Variants in KLHL4 observed in about 807,000 individuals in gnomAD.
The protein encoded by KLHL4 is kelch like family member 4.
KLHL4 carries 17 observed loss-of-function variants against 45.8 expected under a neutral mutation model. The ratio of observed to expected loss-of-function variants is 0.37; its 90% CI spans 0.25 to 0.56. KLHL4 has a LOEUF of 0.56. Among genes scored for constraint, KLHL4 ranks in the 20% least tolerant of loss-of-function variants. The pLI is 0.79. For synonymous variants in KLHL4, 224 were observed against 189.9 expected, an observed-to-expected ratio of 1.18 and a Z score of -1.47; for missense variants, 544 against 544.9, an observed-to-expected ratio of 1.00 and a Z score of 0.02.
At chrX:87,591,443 A>T (rs910504336) in intron 1 of KLHL4, among the ~76,000 whole-genome samples, 1 of 111,852 alleles carries the variant, frequency 8.9e-6, no homozygotes, top group African/African-American at 3.2e-5. Context: ...AATCAGGTGA[A>T]TAGTTGACAT....
chrX:87,594,792 G>A (rs1921785654), intron 1 of KLHL4, among the ~76,000 whole-genome samples: 1 of 111,242 alleles, frequency 9.0e-6, no homozygotes, highest in African/African-American at 3.3e-5. Flanking sequence ...TTTTCATATT[G>A]TATTTCAAAA....
At chrX:87,526,429 G>C (rs746206210) in intron 1 of KLHL4, among the ~76,000 whole-genome samples, 29 of 112,068 alleles carry the variant, frequency 2.6e-4, no homozygotes, top group Non-Finnish European at 5.3e-4. Flanking sequence ...TAGTTGGAGA[G>C]ATAAAGTGTA....
At chrX:87,534,067 C>G (rs1931376455) in intron 1 of KLHL4, among the ~76,000 whole-genome samples, 1 of 111,261 alleles carries the variant, frequency 9.0e-6, no homozygotes, top group Non-Finnish European at 1.9e-5. Context: ...GTTAAATACT[C>G]AGCAGGAATA....
At chrX:87,655,620 A>G (rs1923963640) in intron 9 of KLHL4, among the ~76,000 whole-genome samples, 1 of 110,577 alleles carries the variant, frequency 9.0e-6, no homozygotes, top group African/African-American at 3.3e-5. Flanking sequence ...GTATGGTCGG[A>G]TCCTTTTTTT....
At chrX:87,586,813 A>G (rs770454409) in intron 1 of KLHL4, among the ~76,000 whole-genome samples, 2 of 111,472 alleles carry the variant, frequency 1.8e-5, no homozygotes, top group Non-Finnish European at 3.8e-5. Context: ...TGCAAACCAC[A>G]ATACAAAAGA....
intron 1 of KLHL4, among the ~76,000 whole-genome samples, chrX:87,613,277 T>C (rs548361553): frequency 2.7e-5 from 3 of 112,184 alleles, no homozygotes; most frequent in African/African-American, 9.7e-5. Context: ...TTGTGTGATG[T>C]TGAAAATACA....
intron 1 of KLHL4, among the ~76,000 whole-genome samples, chrX:87,539,818 A>G (rs1298499521): frequency 9.0e-6 from 1 of 111,360 alleles, no homozygotes; most frequent in Non-Finnish European, 1.9e-5. Context: ...ATCTCCATCT[A>G]TGAAGAGCCA....
chrX:87,632,422 C>A lies in KLHL4; in HGVS notation c.1537C>A (p.Arg513=). ...TGTGATGCCTCCCATGTCAACACAT[C>A]GGCACGGCTTAGGTAAGAGCTTAAC... is the stretch of plus-strand genomic sequence containing the variant. ...WTVMPPMSTH[R]HGLGVATLEG... Residue 513 remains arginine (R), a synonymous_variant, in exon 7 of 11, where the codon CGG becomes AGG. Coordinates refer to ENST00000373119, the MANE Select transcript of KLHL4 (RefSeq NM_019117.5). The A allele has an allele frequency of 8.4e-7, 1 of 1,186,390 alleles. No homozygotes were observed. Among genetic ancestry groups the A allele is most frequent in the Non-Finnish European group, 1.1e-6 (1 of 873,557 alleles).
intron 1 of KLHL4, among the ~76,000 whole-genome samples, chrX:87,611,304 T>A (rs1376965774): frequency 3.6e-5 from 4 of 111,357 alleles, no homozygotes; most frequent in Non-Finnish European, 7.5e-5. Flanking sequence ...TCTTAGTGTC[T>A]GGTTTCTATA....
At chrX:87,521,828 C>T (rs1291359029) in intron 1 of KLHL4, among the ~76,000 whole-genome samples, 1 of 112,159 alleles carries the variant, frequency 8.9e-6, no homozygotes, top group Non-Finnish European at 1.9e-5. Context: ...ATGTCCTGCC[C>T]TGTTATTCAT....
intron 6 of KLHL4, among the ~76,000 whole-genome samples, chrX:87,631,254 C>G (rs1209028355): frequency 9.0e-6 from 1 of 111,661 alleles, no homozygotes; most frequent in Admixed American, 9.5e-5. Flanking sequence ...ATGCCTGCCC[C>G]CAAGGTAGCC....
Position 87,618,009 on chromosome X carries a change from G to A in KLHL4, c.805G>A (p.Asp269Asn), listed in dbSNP as rs1922619277. The change falls in exon 4 of 11, where the codon GAT becomes AAT. Residue 269 changes from aspartate (D) to asparagine (N), a missense_variant. Transcript: ENST00000373119. ...ACLLQLTQVI[D>N]VCSNFLIKQL... is the part of the protein sequence containing the mutation. Reference sequence around the variant, plus strand: ...TCTTCTGCAGCTGACTCAGGTCATTGATGTTTGCTCCAATTTTCTCATAAA... The same window carrying A: ...TCTTCTGCAGCTGACTCAGGTCATTAATGTTTGCTCCAATTTTCTCATAAA... 3 of 1,209,214 alleles carry A rather than the reference G, an allele frequency of 2.5e-6. No individual in the cohort carries two copies. The highest frequency in any genetic ancestry group is 3.5e-5 in the African/African-American group (2 of 57,162).
rs1363028978 is a variant in KLHL4, at chrX:87,592,844, A to G, written c.423-21033A>G. The stretch of plus-strand genomic sequence containing the variant: ...CTTACCATATGAATAGTTTGCAAAT[A>G]TTTTATCCCATTCTGTGGGTTGTAT... On this transcript the variant is annotated intron_variant, in intron 1 of 10. Transcript: ENST00000373119. Among the ~76,000 whole-genome samples, 3 of 111,758 alleles carry G rather than the reference A, an allele frequency of 2.7e-5. No homozygotes were observed. In the East Asian group the frequency reaches 8.5e-4, roughly 31 times the overall value.
intron 1 of KLHL4, among the ~76,000 whole-genome samples, chrX:87,533,716 A>G (rs1255306924): frequency 6.3e-5 from 7 of 110,653 alleles, no homozygotes; most frequent in African/African-American, 2.3e-4. Flanking sequence ...ATAATAAAAT[A>G]AAATAAAAAT....
intron 1 of KLHL4, among the ~76,000 whole-genome samples, chrX:87,590,281 CATA>C (rs1354856016): frequency 1.8e-5 from 2 of 109,606 alleles, no homozygotes; most frequent in African/African-American, 6.6e-5. Flanking sequence ...TACCCACAAA[CATA>C]AAAAATAAAA....
At chrX:87,605,317 C>A (rs887388515) in intron 1 of KLHL4, among the ~76,000 whole-genome samples, 1 of 110,696 alleles carries the variant, frequency 9.0e-6, no homozygotes, top group Non-Finnish European at 1.9e-5. Context: ...TTTGTATTTT[C>A]ATTGGTATTG....
chrX:87,633,926 A>G lies in KLHL4; in HGVS notation c.1712+15A>G. The G allele has an allele frequency of 8.4e-7, 1 of 1,188,409 alleles. No individual in the cohort carries two copies. The highest frequency in any genetic ancestry group is 1.1e-6 in the Non-Finnish European group (1 of 881,205). On this transcript the variant is annotated intron_variant, in intron 8 of 10. Transcript: ENST00000373119. ...TTAAACAACAAGTGAGTAAGTTGAA[A>G]CACACATGTTCATTGCTCCCAGGTC...
intron 1 of KLHL4, among the ~76,000 whole-genome samples, chrX:87,575,127 A>G (rs1056437761): frequency 8.9e-6 from 1 of 112,120 alleles, no homozygotes; most frequent in Non-Finnish European, 1.9e-5. Context: ...AATGAATACA[A>G]TCTTTAGCTT....
chrX:87,617,226 A>G, intron 3 of KLHL4, among the ~76,000 whole-genome samples: 1 of 109,843 alleles, frequency 9.1e-6, no homozygotes, highest in East Asian at 2.8e-4. Flanking sequence ...TTTTTTTATA[A>G]CAAAGCAAAT....
Sources: gnomAD v4.1 joint callset for allele counts (sites outside exome capture counted in the v4.1 genomes callset) on GRCh38, gnomAD v4.1.1 for gene constraint, MANE v1.5 for transcripts, NCBI Gene and HGNC (gene_info 2026-07-23, HGNC 2026-07-21) for gene names.